Variants in OTOP1 observed in about 807,000 individuals in gnomAD.
The protein encoded by OTOP1 is otopetrin 1, also known as proton channel OTOP1.
OTOP1 carries 59 observed loss-of-function variants against 52.9 expected under a neutral mutation model. That is an observed-to-expected ratio of 1.12 (90% confidence interval 0.91 to 1.39). OTOP1 has a LOEUF of 1.39. Ranked by LOEUF, OTOP1 falls within the 40% of genes most tolerant of loss-of-function variation. OTOP1 has a pLI of 0.00. For synonymous variants in OTOP1, 317 were observed against 337.7 expected (o/e 0.94, Z 0.67); for missense variants, 761 against 800.9 (o/e 0.95, Z 0.60).
intron 3 of OTOP1, among the ~76,000 whole-genome samples, chr4:4,204,937 A>T (rs1289489097): frequency 6.6e-6 from 1 of 151,360 alleles, no homozygotes; most frequent in Admixed American, 6.6e-5. Flanking sequence ...CACACAGCTA[A>T]TTTTTTTTGT....
chr4:4,222,549 C>A (rs185458038), intron 1 of OTOP1, among the ~76,000 whole-genome samples: 2 of 152,136 alleles, frequency 1.3e-5, no homozygotes, highest in African/African-American at 4.8e-5. Context: ...CAGCCACATT[C>A]GCTTGTTTGT....
In OTOP1 at chr4:4,197,176, C is replaced by T. The variant is rs767350844; in HGVS notation, c.1658G>A (p.Cys553Tyr). 2.2e-5 allele frequency: 36 copies of T among 1,601,958 alleles called. No individual in the cohort carries two copies. The highest frequency in any genetic ancestry group is 3.0e-5 in the Non-Finnish European group (35 of 1,173,334). Residue 553 changes from cysteine to tyrosine, a missense_variant, in exon 5 of 6, where the codon TGC becomes TAC. By Grantham distance (194) the Cys-to-Tyr change is radical. Coordinates refer to ENST00000296358, the MANE Select transcript of OTOP1 (RefSeq NM_177998.3). ...CTTGGTGCAGATTACCGAAATATTGCAGAGGAACAAGAAGGCTGCAATATT... is the reference window on the plus strand; with the variant it reads ...CTTGGTGCAGATTACCGAAATATTGTAGAGGAACAAGAAGGCTGCAATATT... Reference protein sequence around the residue: ...LRNIAAFLFLCNISLWIPPAF... With the variant: ...LRNIAAFLFLYNISLWIPPAF...
At chr4:4,221,500 C>T (rs1212293852) in intron 1 of OTOP1, among the ~76,000 whole-genome samples, 7 of 152,304 alleles carry the variant, frequency 4.6e-5, no homozygotes, top group East Asian at 1.9e-4. Flanking sequence ...TCTCAGCCTT[C>T]CTGCAGACCT....
chr4:4,196,095 T>G (rs773219852), intron 5 of OTOP1, among the ~76,000 whole-genome samples: 45 of 152,174 alleles, frequency 3.0e-4, no homozygotes, highest in Non-Finnish European at 6.5e-4. Flanking sequence ...AAGAGAAACC[T>G]AGATGTCCAT....
chr4:4,216,729 A>G (rs1717160745), intron 1 of OTOP1, among the ~76,000 whole-genome samples: 1 of 152,268 alleles, frequency 6.6e-6, no homozygotes, highest in African/African-American at 2.4e-5. Flanking sequence ...AAAAAAACAT[A>G]GCAAGATGAG....
At chr4:4,192,842 A>G (rs1295870474) in intron 5 of OTOP1, among the ~76,000 whole-genome samples, 2 of 152,170 alleles carry the variant, frequency 1.3e-5, no homozygotes, top group South Asian at 4.1e-4. Flanking sequence ...CTAGGAGTCA[A>G]ATTCCTAGAG....
intron 1 of OTOP1, among the ~76,000 whole-genome samples, chr4:4,222,498 T>A (rs1717325036): frequency 6.6e-6 from 1 of 152,214 alleles, no homozygotes; most frequent in Admixed American, 6.5e-5. Flanking sequence ...ACAGTCTGAT[T>A]TCCTTTCCAA....
At chr4:4,198,130 G>A (rs1193115085) in intron 4 of OTOP1, 27 bp from the exon 5 acceptor site, 2 of 1,575,180 alleles carry the variant, frequency 1.3e-6, no homozygotes, top group Non-Finnish European at 8.7e-7. Flanking sequence ...GATCACACAG[G>A]AGGGCGATTA....
Position 4,212,959 on chromosome 4 carries a change from A to G in OTOP1, c.449T>C (p.Leu150Pro). 6.2e-7 allele frequency: 1 copy of G among 1,614,044 alleles called. No homozygotes were observed. The highest frequency in any genetic ancestry group is 1.6e-4 in the Middle Eastern group (1 of 6,062). Residue 150 changes from leucine (L) to proline (P), a missense_variant, in exon 2 of 6, where the codon CTT becomes CCT. By Grantham distance (98) the Leu-to-Pro change is moderately conservative (BLOSUM62 -3). This residue lies in a region of OTOP1 where 632 missense variants were observed against 619.5 expected (regional missense o/e 1.02). Transcript: ENST00000296358. The part of the protein sequence containing the change: ...FAVITVILGC[L>P]KIGYFIGFSE... ...AAATCCAATGAAGTATCCAATTTTA[A>G]GGCATCCCAGGATGACGGTAATGAC...
At chr4:4,202,921 T>C (rs1187403619) in intron 3 of OTOP1, among the ~76,000 whole-genome samples, 1 of 152,188 alleles carries the variant, frequency 6.6e-6, no homozygotes, top group Non-Finnish European at 1.5e-5. Flanking sequence ...CCAAATCTTT[T>C]TCCCAGAAAG....
At chr4:4,223,888 T>TCAAAAA (rs71638539) in intron 1 of OTOP1, among the ~76,000 whole-genome samples, 5 of 146,772 alleles carry the variant, frequency 3.4e-5, no homozygotes, top group Admixed American at 6.8e-5. Flanking sequence ...AGATTCCATC[T>TCAAAAA]CAAAAACAAA....
intron 4 of OTOP1, among the ~76,000 whole-genome samples, chr4:4,200,352 GTAGTCCCAGCTACTC>G (rs1716754535): frequency 1.3e-5 from 2 of 151,852 alleles, no homozygotes; most frequent in Non-Finnish European, 2.9e-5. Flanking sequence ...GCAGGTGCCT[GTAGTCCCAGCTACTC>G]GGGAGGCTGA....
At chr4:4,219,730 T>C (rs937748750) in intron 1 of OTOP1, among the ~76,000 whole-genome samples, 1 of 150,068 alleles carries the variant, frequency 6.7e-6, no homozygotes, top group East Asian at 1.9e-4. Context: ...ATGAGGAAGA[T>C]ATAACAGCCA....
intron 5 of OTOP1, among the ~76,000 whole-genome samples, chr4:4,192,548 C>A (rs1577173762): frequency 6.6e-6 from 1 of 152,188 alleles, no homozygotes; most frequent in South Asian, 2.1e-4. Context: ...CATTTGGATG[C>A]CACAGAGGCA....
chr4:4,212,225 A>G (rs1346769180), intron 2 of OTOP1, among the ~76,000 whole-genome samples: 1 of 152,202 alleles, frequency 6.6e-6, no homozygotes, highest in Non-Finnish European at 1.5e-5. Context: ...CTTTTCAACC[A>G]TGAGATTTTT....
chr4:4,199,132 T>G (rs1239397286), intron 4 of OTOP1, among the ~76,000 whole-genome samples: 6 of 151,764 alleles, frequency 4.0e-5, no homozygotes, highest in Non-Finnish European at 8.8e-5. Context: ...GAGGTTGCAG[T>G]GAGCTGAGAT....
Position 4,188,756 on chromosome 4 carries a change from C to T in OTOP1, c.*47G>A, listed in dbSNP as rs773506226. 1 of 1,522,544 alleles carries T rather than the reference C, an allele frequency of 6.6e-7. No individual in the cohort carries two copies. Among genetic ancestry groups the T allele is most frequent in the Non-Finnish European group, 8.8e-7 (1 of 1,133,198 alleles). The allele number at this position is 1,522,544 out of a possible 1,614,324, so 94.3% of individuals were successfully genotyped here. A position where few individuals can be genotyped will look rare whatever the true frequency, so the allele number is the denominator to read the frequency against. On this transcript the variant is annotated 3_prime_UTR_variant, in exon 6 of 6. Transcript: ENST00000296358. ...CCAACCTGGCCACTCCTAGTTGGCT[C>T]CAATGAACTCTTGTTAGCTCACTCC...
At chr4:4,189,001 G>A in intron 5 of OTOP1, 28 bp from the exon 6 acceptor site, 1 of 1,602,374 alleles carries the variant, frequency 6.2e-7, no homozygotes, top group Non-Finnish European at 8.5e-7. Context: ...ATGGCATGTG[G>A]TGGGGAGCAG....
chr4:4,211,208 C>G (rs1717018918), intron 2 of OTOP1, among the ~76,000 whole-genome samples: 1 of 152,170 alleles, frequency 6.6e-6, no homozygotes, highest in Non-Finnish European at 1.5e-5. Context: ...GGGGTACAAG[C>G]TGAAGGTCAC....
Sources: gnomAD v4.1 joint callset for allele counts (sites outside exome capture counted in the v4.1 genomes callset) on GRCh38, gnomAD v4.1.1 for gene constraint, gnomAD v4.1.1 regional missense constraint, MANE v1.5 for transcripts, NCBI Gene and HGNC (gene_info 2026-07-23, HGNC 2026-07-21) for gene names.